TMEM200C: variants seen among roughly 807,000 people sequenced by gnomAD.
The protein encoded by TMEM200C is transmembrane protein 200C.
For synonymous variants in TMEM200C, 462 were observed against 324.7 expected (o/e 1.42, Z -4.55); for missense variants, 966 against 699.9 (o/e 1.38, Z -4.29).
At chr18:5,883,507 A>G (rs2095163213) in exon 3 of TMEM200C, 1 of 152,170 alleles carries the variant, frequency 6.6e-6, no homozygotes, top group South Asian at 2.1e-4. Context: ...TCCACAAACA[A>G]TACTCATACA....
rs765824776 is a variant in TMEM200C at position 5,891,604 on chromosome 18, GGAA to G, written c.457_459del (p.Phe153del). The G allele has an allele frequency of 5.5e-5, 88 of 1,613,730 alleles. No individual in the cohort carries two copies. Among genetic ancestry groups the G allele is most frequent in the Non-Finnish European group, 7.0e-5 (82 of 1,179,844 alleles). On this transcript the variant is annotated inframe_deletion, in exon 3 of 3. Transcript: ENST00000581347. This position sits in a 1 kb window ranked among gnomAD's most constrained non-coding sequence, Gnocchi z 4.7. The stretch of plus-strand genomic sequence containing the variant: ...GAGTGCAGGTAGCCAGAGAAGATGC[GGAA>G]GAAGAAGCCCACGGACGTGGAGGAG...
chr18:5,891,541 T>C lies in TMEM200C; in HGVS notation c.523A>G (p.Ile175Val). The change falls in exon 3 of 3, where the codon ATC becomes GTC. Residue 175 changes from isoleucine (I) to valine (V), a missense_variant. Transcript: ENST00000581347. This position sits in a 1 kb window ranked among gnomAD's most constrained non-coding sequence, Gnocchi z 4.7. ...GCGCAGATGAAGAGGAAGATGCCGA[T>C]GCCCATGATGAGGGGCCCGAAGACC... The C allele has an allele frequency of 6.2e-7, 1 of 1,613,530 alleles. No homozygotes were observed. The highest frequency in any genetic ancestry group is 8.5e-7 in the Non-Finnish European group (1 of 1,179,766).
intron 2 of TMEM200C, 112 bp downstream of exon 1, chr18:5,894,918 C>CGGGGCGCG: frequency 6.6e-6 from 1 of 152,506 alleles, no homozygotes; most frequent in African/African-American, 2.4e-5. Context: ...AACACCAGCC[C>CGGGGCGCG]GGGGCGCGGG....
chr18:5,894,888 C>T (rs910157163), intron 2 of TMEM200C, 142 bp downstream of exon 1: 3 of 152,276 alleles, frequency 2.0e-5, no homozygotes, highest in African/African-American at 7.2e-5. Flanking sequence ...GTAGCCAGCC[C>T]GGGAAAAAGC....
exon 3 of TMEM200C, chr18:5,890,876 G>T: frequency 2.9e-6 from 2 of 682,390 alleles, no homozygotes; most frequent in Non-Finnish European, 5.3e-6. Context: ...TGCAGCTCGC[G>T]CCCTCCGCGT....
At chr18:5,882,875 G>A (rs189887586) in exon 3 of TMEM200C, 40 of 152,160 alleles carry the variant, frequency 2.6e-4, no homozygotes, top group African/African-American at 9.1e-4. Flanking sequence ...CGTATTTAGT[G>A]CTCCAAACAC....
chr18:5,891,337 C>CG lies in TMEM200C; in HGVS notation c.726dup (p.Gly243ArgfsTer106). The CG allele has an allele frequency of 4.5e-6, 6 of 1,334,760 alleles. No individual in the cohort carries two copies. The highest frequency in any genetic ancestry group is 2.2e-5 in the South Asian group (1 of 45,000). 82.7% of individuals were successfully genotyped at this position (1,334,760 alleles called of 1,614,324 possible). A position where few individuals can be genotyped will look rare whatever the true frequency, so the allele number is the denominator to read the frequency against. The stretch of plus-strand genomic sequence containing the variant: ...AGGAAGCCGTTGAGCGGTATGGCCC[C>CG]GGGGGGCGCCGCGGCGGGGGCAGAC... On this transcript the variant is annotated frameshift_variant, in exon 3 of 3. Coordinates refer to ENST00000581347, the Ensembl canonical transcript of TMEM200C. LOFTEE classifies it low-confidence loss of function (END_TRUNC). This position sits in a 1 kb window ranked among gnomAD's most constrained non-coding sequence, Gnocchi z 4.7.
At chr18:5,893,571 C>T (rs558431604) in intron 2 of TMEM200C, among the ~76,000 whole-genome samples, 21 of 152,308 alleles carry the variant, frequency 1.4e-4, no homozygotes, top group African/African-American at 4.3e-4. Context: ...TTAGATATCA[C>T]GCCCAAGCCT....
exon 3 of TMEM200C, chr18:5,886,144 A>G (rs2095165183): frequency 6.8e-6 from 1 of 147,610 alleles, no homozygotes; most frequent in Non-Finnish European, 1.5e-5. Flanking sequence ...TCTCTAGCTC[A>G]AAAAAAAATC....
exon 3 of TMEM200C, chr18:5,890,570 G>T: frequency 8.1e-6 from 11 of 1,362,482 alleles, no homozygotes; most frequent in Non-Finnish European, 1.0e-5. Context: ...TGGCCAGAGG[G>T]CTGGAGTCCG....
chr18:5,890,033 C>A, exon 3 of TMEM200C: 1 of 568,770 alleles, frequency 1.8e-6, no homozygotes, highest in Non-Finnish European at 2.7e-6. Context: ...GAGTTATCTA[C>A]AGGAATCTTG....
At chr18:5,884,412 G>A (rs888215925) in exon 3 of TMEM200C, 19 of 152,074 alleles carry the variant, frequency 1.2e-4, no homozygotes, top group African/African-American at 4.3e-4. Flanking sequence ...TAACTCTCTT[G>A]TAATATTCAC....
At chr18:5,894,828 G>C (rs1004795580) in intron 2 of TMEM200C, among the ~76,000 whole-genome samples, 1 of 152,218 alleles carries the variant, frequency 6.6e-6, no homozygotes, top group Admixed American at 6.5e-5. Context: ...ACAGGCAGGA[G>C]CCAAGTGAGG....
chr18:5,884,940 T>C (rs767003572), exon 3 of TMEM200C: 2 of 152,210 alleles, frequency 1.3e-5, no homozygotes, highest in Non-Finnish European at 2.9e-5. Context: ...ATTAGGTGTT[T>C]AGCATTTACT....
At chr18:5,884,804 A>G (rs2095164179) in exon 3 of TMEM200C, 1 of 152,166 alleles carries the variant, frequency 6.6e-6, no homozygotes, top group East Asian at 1.9e-4. Flanking sequence ...TATATCAGTC[A>G]TTAATAACTT....
rs934376864 is a variant in TMEM200C at position 5,894,187 on chromosome 18, G to A, written c.-95+843C>T. ...GCGCCGGGAGGCTGGATGCCTTGGG[G>A]GAGGAGGAAACCCACTTGGATTTCT... On this transcript the variant is annotated intron_variant, in intron 2 of 2. Transcript: ENST00000581347. Among the ~76,000 whole-genome samples the A allele has an allele frequency of 4.6e-5, 7 of 152,252 alleles. No individual in the cohort carries two copies. The East Asian group carries it at 1.2e-3, about 25-fold the overall frequency.
rs180706814 is a variant in TMEM200C, at chr18:5,892,649, G to T, written c.-94-492C>A. 2.7e-4 allele frequency among the ~76,000 whole-genome samples: 41 copies of T among 152,324 alleles called. No homozygotes were observed. The East Asian group carries it at 6.0e-3, about 22-fold the overall frequency. On this transcript the variant is annotated intron_variant, in intron 2 of 2. Coordinates refer to ENST00000581347, the Ensembl canonical transcript of TMEM200C. The stretch of plus-strand genomic sequence containing the variant: ...TCTCTAAGCTGGGGAATCTGTCAAT[G>T]TGTGGCCCAAAGTCACTAAAACAGT...
rs1402240116 is a variant in TMEM200C, at chr18:5,891,270, C to T, written c.794G>A (p.Gly265Asp). The T allele has an allele frequency of 7.1e-6, 10 of 1,406,814 alleles. No individual in the cohort carries two copies. In the South Asian group the frequency reaches 1.3e-4, roughly 19 times the overall value. The allele number at this position is 1,406,814 out of a possible 1,614,324, so 87.1% of individuals were successfully genotyped here. The change falls in exon 3 of 3, where the codon GGC becomes GAC. Residue 265 changes from glycine (G) to aspartate (D), a missense_variant. By Grantham distance (94) the Gly-to-Asp change is moderately conservative. Transcript: ENST00000581347. This position sits in a 1 kb window ranked among gnomAD's most constrained non-coding sequence, Gnocchi z 4.7. ...GAAGGCGTCCCCGGAGCCACCGCAGCCCCCGGGCTTCAGCTCCAGGCCCCG... is the reference window on the plus strand; with the variant it reads ...GAAGGCGTCCCCGGAGCCACCGCAGTCCCCGGGCTTCAGCTCCAGGCCCCG...
At chr18:5,890,015 A>AT in exon 3 of TMEM200C, 1 of 479,906 alleles carries the variant, frequency 2.1e-6, no homozygotes, top group Non-Finnish European at 3.4e-6. Context: ...TAAAAAAAAA[A>AT]ATCCTTGGAG....
Sources: allele counts gnomAD v4.1 joint callset (sites outside exome capture counted in the v4.1 genomes callset), GRCh38; gene constraint gnomAD v4.1.1; non-coding constraint Gnocchi (gnomAD v3.1); transcripts MANE v1.5; gene names NCBI Gene and HGNC (gene_info 2026-07-23, HGNC 2026-07-21).